The following MCTP1 variants were observed in gnomAD, a reference collection of about 807,000 sequenced individuals.
MCTP1 encodes the protein multiple C2 and transmembrane domain containing 1, also known as multiple C2 and transmembrane domain-containing protein 1.
A neutral mutation model predicts 120.6 loss-of-function variants in MCTP1; 69 were observed. The ratio of observed to expected loss-of-function variants is 0.57; its 90% CI spans 0.47 to 0.70. The LOEUF (loss-of-function observed/expected upper bound fraction) is 0.70. Ranked by LOEUF, MCTP1 falls within the 30% of genes least tolerant of loss-of-function variation. MCTP1 has a pLI of 0.00. For synonymous variants in MCTP1, 529 were observed against 493.1 expected, an observed-to-expected ratio of 1.07 and a Z score of -0.96; for missense variants, 1,203 against 1,248.8, an observed-to-expected ratio of 0.96 and a Z score of 0.55.
chr5:94,800,073 T>A (rs1336331412), intron 17 of MCTP1, among the ~76,000 whole-genome samples: 1 of 152,128 alleles, frequency 6.6e-6, no homozygotes, highest in Non-Finnish European at 1.5e-5. Context: ...TCAAGCAACG[T>A]ATATATCCCC....
At chr5:95,100,459 A>AT (rs1447934360) in intron 1 of MCTP1, among the ~76,000 whole-genome samples, 1 of 152,194 alleles carries the variant, frequency 6.6e-6, no homozygotes. Context: ...TAGCTGCATT[A>AT]TTTTTAAAAA....
At chr5:95,220,162 A>G (rs1353105680) in intron 1 of MCTP1, among the ~76,000 whole-genome samples, 2 of 152,218 alleles carry the variant, frequency 1.3e-5, no homozygotes, top group Non-Finnish European at 2.9e-5. Context: ...AGCGGCTGCT[A>G]ATAGCCTATG....
At chr5:95,088,926 T>C (rs1755642804) in intron 1 of MCTP1, among the ~76,000 whole-genome samples, 1 of 152,178 alleles carries the variant, frequency 6.6e-6, no homozygotes, top group African/African-American at 2.4e-5. Context: ...CCTGTGAAAC[T>C]CCGCACAATG....
At position 95,151,626 on chromosome 5, in the gene MCTP1, C is replaced by T. The variant is rs115460894; in HGVS notation, c.720+132230G>A. 2.6e-3 allele frequency among the ~76,000 whole-genome samples: 390 copies of T among 152,198 alleles called. 2 individuals carry two copies. The highest frequency in any genetic ancestry group is 9.0e-3 in the African/African-American group (375 of 41,508). On this transcript the variant is annotated intron_variant, in intron 1 of 22. Coordinates refer to ENST00000515393, the MANE Select transcript of MCTP1 (RefSeq NM_024717.7). ...AGAGTTAAAACATTCCACTATAGTCCCCTACCAAGCTGGACTCTCTGCAAT... is the reference window on the plus strand; with the variant it reads ...AGAGTTAAAACATTCCACTATAGTCTCCTACCAAGCTGGACTCTCTGCAAT...
intron 1 of MCTP1, among the ~76,000 whole-genome samples, chr5:95,277,927 C>T (rs1759982166): frequency 6.6e-6 from 1 of 152,046 alleles, no homozygotes; most frequent in Non-Finnish European, 1.5e-5. Flanking sequence ...CATTATATTA[C>T]AAATACAGTT....
intron 1 of MCTP1, among the ~76,000 whole-genome samples, chr5:95,019,591 A>G (rs1581872235): frequency 6.6e-6 from 1 of 152,172 alleles, no homozygotes; most frequent in East Asian, 1.9e-4. Flanking sequence ...GAAAAAGTTT[A>G]CAGAATGAAT....
At chr5:94,886,693 T>C (rs1485584017) in intron 12 of MCTP1, among the ~76,000 whole-genome samples, 2 of 152,172 alleles carry the variant, frequency 1.3e-5, no homozygotes, top group East Asian at 3.8e-4. Flanking sequence ...ACAGCGCTAG[T>C]CAATTGCCTC....
intron 1 of MCTP1, among the ~76,000 whole-genome samples, chr5:95,083,931 G>A (rs1755232668): frequency 6.6e-6 from 1 of 152,266 alleles, no homozygotes; most frequent in East Asian, 1.9e-4. Context: ...AAAGAATCAG[G>A]TTATCTAGAT....
chr5:94,992,694 G>A (rs796902877), intron 2 of MCTP1, among the ~76,000 whole-genome samples: 9 of 152,210 alleles, frequency 5.9e-5, no homozygotes, highest in African/African-American at 2.2e-4. Flanking sequence ...CCATCTTTTT[G>A]GTTCCTCAGT....
At chr5:95,169,874 T>C (rs1415981713) in intron 1 of MCTP1, among the ~76,000 whole-genome samples, 2 of 152,154 alleles carry the variant, frequency 1.3e-5, no homozygotes, top group Non-Finnish European at 2.9e-5. Context: ...TTTTTAAGGG[T>C]TTTTCGTGTC....
intron 1 of MCTP1, among the ~76,000 whole-genome samples, chr5:95,199,306 G>C (rs908655370): frequency 6.6e-6 from 1 of 151,940 alleles, no homozygotes; most frequent in African/African-American, 2.4e-5. Context: ...AATTAACAGG[G>C]GAGTATAGAT....
chr5:94,986,557 T>C (rs1042509231), intron 2 of MCTP1, among the ~76,000 whole-genome samples: 22 of 152,194 alleles, frequency 1.4e-4, no homozygotes, highest in African/African-American at 5.3e-4. Context: ...TCACCCAGGC[T>C]GGAGTGCAGT....
At chr5:95,005,227 G>A (rs1041726751) in intron 2 of MCTP1, among the ~76,000 whole-genome samples, 1 of 152,142 alleles carries the variant, frequency 6.6e-6, no homozygotes, top group Admixed American at 6.5e-5. Flanking sequence ...TTTACCCAAT[G>A]TCTGTAAACT....
At chr5:95,249,633 T>C (rs2152695387) in intron 1 of MCTP1, among the ~76,000 whole-genome samples, 1 of 152,120 alleles carries the variant, frequency 6.6e-6, no homozygotes, top group South Asian at 2.1e-4. Context: ...GAAATACCAT[T>C]TGACCCAGCG....
At chr5:94,996,322 A>C (rs1465192438) in intron 2 of MCTP1, among the ~76,000 whole-genome samples, 3 of 152,214 alleles carry the variant, frequency 2.0e-5, no homozygotes, top group African/African-American at 7.2e-5. Flanking sequence ...ATCGAATTAG[A>C]ATAAGTCATG....
At chr5:95,046,930 T>C (rs1052561702) in intron 1 of MCTP1, among the ~76,000 whole-genome samples, 1 of 152,176 alleles carries the variant, frequency 6.6e-6, no homozygotes, top group African/African-American at 2.4e-5. Context: ...TGTTAAATAT[T>C]TGGCATCTAA....
chr5:95,274,844 C>T (rs1422253890), intron 1 of MCTP1, among the ~76,000 whole-genome samples: 1 of 152,016 alleles, frequency 6.6e-6, no homozygotes, highest in Admixed American at 6.6e-5. Context: ...AGGATGGTCT[C>T]GATCTCCTGA....
intron 3 of MCTP1, among the ~76,000 whole-genome samples, chr5:94,948,930 TAAAC>T (rs1291924744): frequency 6.6e-6 from 1 of 152,112 alleles, no homozygotes; most frequent in African/African-American, 2.4e-5. Flanking sequence ...GTCCTTAACT[TAAAC>T]AGAGCTTAAA....
intron 17 of MCTP1, among the ~76,000 whole-genome samples, chr5:94,821,517 C>T (rs1785649772): frequency 6.6e-6 from 1 of 152,150 alleles, no homozygotes; most frequent in Admixed American, 6.5e-5. Flanking sequence ...CAGTGTGATT[C>T]CTTTATTTAG....
Sources: allele counts gnomAD v4.1 joint callset (sites outside exome capture counted in the v4.1 genomes callset), GRCh38; gene constraint gnomAD v4.1.1; transcripts MANE v1.5; gene names NCBI Gene and HGNC (gene_info 2026-07-23, HGNC 2026-07-21).